The following UGT2B11 variants were observed in gnomAD, a reference collection of about 807,000 sequenced individuals.
The protein encoded by UGT2B11 is UDP glucuronosyltransferase family 2 member B11, also known as UDP-glucuronosyltransferase 2B11.
A neutral mutation model predicts 51.7 loss-of-function variants in UGT2B11; 49 were observed. The ratio of observed to expected loss-of-function variants is 0.95; its 90% CI spans 0.75 to 1.20. The LOEUF (loss-of-function observed/expected upper bound fraction) is 1.20. UGT2B11 is among the 50% of genes most tolerant of loss of function. UGT2B11 has a pLI of 0.00. For synonymous variants in UGT2B11, 273 were observed against 209.0 expected (o/e 1.31, Z -2.64); for missense variants, 810 against 622.1 (o/e 1.30, Z -3.21).
At chr4:69,211,897 T>C (rs1722078887) in intron 2 of UGT2B11, among the ~76,000 whole-genome samples, 1 of 151,594 alleles carries the variant, frequency 6.6e-6, no homozygotes, top group South Asian at 2.1e-4. Flanking sequence ...CTAATATGTA[T>C]CCGGCTCTAA....
At chr4:69,206,923 C>T (rs1405551801) in intron 3 of UGT2B11, among the ~76,000 whole-genome samples, 2 of 151,504 alleles carry the variant, frequency 1.3e-5, no homozygotes, top group Non-Finnish European at 3.0e-5. Context: ...ATAAAATAAG[C>T]TACTTATAAG....
In UGT2B11 at chr4:69,200,433, G is replaced by A. The variant is rs748907391; in HGVS notation, c.*7C>T. The stretch of plus-strand genomic sequence containing the variant: ...TCTGGTTTTCCAGCTTCAAATGTCA[G>A]ACATAACTAATCTCTTTTTCCCTTC... On this transcript the variant is annotated 3_prime_UTR_variant, in exon 6 of 6. Coordinates refer to ENST00000446444, the MANE Select transcript of UGT2B11 (RefSeq NM_001073.3). 1 of 1,603,524 alleles carries A rather than the reference G, an allele frequency of 6.2e-7. No individual in the cohort carries two copies.
intron 2 of UGT2B11, among the ~76,000 whole-genome samples, chr4:69,210,175 T>A (rs1404986182): frequency 1.3e-5 from 2 of 151,640 alleles, no homozygotes; most frequent in African/African-American, 4.8e-5. Context: ...GAACATTTCA[T>A]TGATAAAATT....
At chr4:69,213,738 T>C (rs932656175) in intron 1 of UGT2B11, among the ~76,000 whole-genome samples, 1 of 151,874 alleles carries the variant, frequency 6.6e-6, no homozygotes, top group Non-Finnish European at 1.5e-5. Flanking sequence ...AGATGTGTAA[T>C]TGCTTAAATT....
In UGT2B11 at chr4:69,200,434, A is replaced by C; in HGVS notation, c.*6T>G. ...CTGGTTTTCCAGCTTCAAATGTCAG[A>C]CATAACTAATCTCTTTTTCCCTTCT... On this transcript the variant is annotated 3_prime_UTR_variant, in exon 6 of 6. Transcript: ENST00000446444. The C allele has an allele frequency of 1.2e-6, 2 of 1,608,998 alleles. No homozygotes were observed. The highest frequency in any genetic ancestry group is 1.7e-6 in the Non-Finnish European group (2 of 1,177,326).
chr4:69,220,173 T>A, the UGT2B11 span, among the ~76,000 whole-genome samples: 1 of 152,120 alleles, frequency 6.6e-6, no homozygotes, highest in Non-Finnish European at 1.5e-5. Flanking sequence ...CAGGGGACAG[T>A]CATTGCCAAA....
chr4:69,211,101 C>T (rs538658326), intron 2 of UGT2B11: 1 of 151,552 alleles, frequency 6.6e-6, no homozygotes, highest in Non-Finnish European at 1.5e-5. Flanking sequence ...ATCCAGAAAG[C>T]TTTACTGATT....
intron 2 of UGT2B11, among the ~76,000 whole-genome samples, chr4:69,210,019 T>C (rs936202732): frequency 2.6e-5 from 4 of 151,726 alleles, no homozygotes; most frequent in African/African-American, 9.6e-5. Flanking sequence ...TTTTGTCCTA[T>C]TTATATAGGT....
At chr4:69,208,549 T>A in intron 2 of UGT2B11, 67 bp from the exon 3 acceptor site, 9 of 1,567,868 alleles carry the variant, frequency 5.7e-6, no homozygotes, top group Middle Eastern at 2.4e-4. Context: ...AAAGAATTGG[T>A]ACCAAATATT....
chr4:69,214,816 A>T (rs918516776), upstream of UGT2B11: 27 of 1,516,442 alleles, frequency 1.8e-5, no homozygotes, highest in South Asian at 2.6e-4. Flanking sequence ...TAACTCCTCC[A>T]ATCCAAAGTA....
the UGT2B11 span, among the ~76,000 whole-genome samples, chr4:69,224,420 A>G: frequency 6.6e-6 from 1 of 152,050 alleles, no homozygotes; most frequent in Non-Finnish European, 1.5e-5. Flanking sequence ...ACTTACCAAC[A>G]TTCCCAGACC....
In UGT2B11 at chr4:69,200,120, T is replaced by G. The variant is rs1291435683; in HGVS notation, c.*320A>C. On this transcript the variant is annotated 3_prime_UTR_variant, in exon 6 of 6. Transcript: ENST00000446444. ...AAATATAGTTAAGCTGAGTAAATTT[T>G]TTCATGTAACTTGTGAATTCAAACA... 2.5e-5 allele frequency: 5 copies of G among 198,580 alleles called. No homozygotes were observed. The highest frequency in any genetic ancestry group is 4.9e-5 in the Non-Finnish European group (5 of 101,016). The allele number at this position is 198,580 out of a possible 1,614,324, so 12.3% of individuals were successfully genotyped here.
chr4:69,209,227 T>C lies in UGT2B11; in HGVS notation c.871-745A>G, dbSNP rs13119196. Among the ~76,000 whole-genome samples, 20 of 151,578 alleles carry C rather than the reference T, an allele frequency of 1.3e-4. No individual in the cohort carries two copies. The South Asian group carries it at 1.9e-3, about 14-fold the overall frequency. On this transcript the variant is annotated intron_variant, in intron 2 of 5. Coordinates refer to ENST00000446444, the MANE Select transcript of UGT2B11 (RefSeq NM_001073.3). The stretch of plus-strand genomic sequence containing the variant: ...TTAGTTGTTGAATAATTGTACCTTT[T>C]GGGTTTTTGTTTAGGTGGAGCACCT...
chr4:69,214,332 C>T lies in UGT2B11; in HGVS notation c.391G>A (p.Val131Ile), dbSNP rs574023758. 1.5e-5 allele frequency: 25 copies of T among 1,613,032 alleles called. No homozygotes were observed. The African/African-American group carries it at 2.5e-4, about 16-fold the overall frequency. The change falls in exon 1 of 6, where the codon GTT (valine) becomes ATT (isoleucine). Residue 131 changes from valine (V) to isoleucine (I), a missense_variant. By Grantham distance (29) the Val-to-Ile change is conservative. Coordinates refer to ENST00000446444, the MANE Select transcript of UGT2B11 (RefSeq NM_001073.3). ...TTTTTCATAACTTTCTTATTTGAAA[C>T]TACATCTTTACAGAAGTTTCTAAAT... ...DIFRNFCKDV[V>I]SNKKVMKKLQ...
At chr4:69,212,808 A>G (rs1577966223) in intron 1 of UGT2B11, 87 bp from the exon 2 acceptor site, 2 of 1,444,354 alleles carry the variant, frequency 1.4e-6, no homozygotes, top group East Asian at 5.3e-5. Context: ...CAATGTAAGC[A>G]AAGATGTAGG....
chr4:69,221,168 TG>T, the UGT2B11 span, among the ~76,000 whole-genome samples: 1 of 152,202 alleles, frequency 6.6e-6, no homozygotes, highest in Non-Finnish European at 1.5e-5. Context: ...CATTTAGGCA[TG>T]ATAGGCTGTG....
chr4:69,200,336 T>TA lies in UGT2B11; in HGVS notation c.*103_*104insT. On this transcript the variant is annotated 3_prime_UTR_variant, in exon 6 of 6. Coordinates refer to ENST00000446444, the MANE Select transcript of UGT2B11 (RefSeq NM_001073.3). The stretch of plus-strand genomic sequence containing the variant: ...AATTTTTTTTTTTTTTTTTTTTTTG[T>TA]CACAGGAAGAAAGAAATCTTGCATA... 9.2e-7 allele frequency: 1 copy of TA among 1,089,432 alleles called. No individual in the cohort carries two copies. The highest frequency in any genetic ancestry group is 1.2e-6 in the Non-Finnish European group (1 of 854,686). 67.5% of individuals were successfully genotyped at this position (1,089,432 alleles called of 1,614,324 possible).
intron 2 of UGT2B11, chr4:69,211,090 C>A (rs937273585): frequency 6.6e-6 from 1 of 151,548 alleles, no homozygotes; most frequent in African/African-American, 2.4e-5. Flanking sequence ...GAGACAAGTT[C>A]ATCCAGAAAG....
chr4:69,220,371 C>A, the UGT2B11 span, among the ~76,000 whole-genome samples: 77 of 152,150 alleles, frequency 5.1e-4, no homozygotes, highest in African/African-American at 1.9e-3. Flanking sequence ...GTGGATGTAT[C>A]ATACTGTGGT....
Sources: gnomAD v4.1 joint callset for allele counts (sites outside exome capture counted in the v4.1 genomes callset) on GRCh38, gnomAD v4.1.1 for gene constraint, MANE v1.5 for transcripts, NCBI Gene and HGNC (gene_info 2026-07-23, HGNC 2026-07-21) for gene names.